The following BTBD16 variants were observed in gnomAD, a reference collection of about 807,000 sequenced individuals.
BTBD16 encodes the protein BTB domain containing 16.
BTBD16 carries 66 observed loss-of-function variants against 67.4 expected under a neutral mutation model. The ratio of observed to expected loss-of-function variants is 0.98; its 90% confidence interval spans 0.80 to 1.20. The LOEUF (loss-of-function observed/expected upper bound fraction) is 1.20, where lower values mean the gene tolerates loss of function less well. Among genes scored for constraint, BTBD16 ranks in the 50% most tolerant of loss-of-function variants. The pLI is 0.00. For synonymous variants in BTBD16, 242 were observed against 236.4 expected, an observed-to-expected ratio of 1.02 and a Z score of -0.22; for missense variants, 634 against 616.0, an observed-to-expected ratio of 1.03 and a Z score of -0.31.
chr10:122,275,453 T>A (rs2096338515), intron 2 of BTBD16, among the ~76,000 whole-genome samples: 1 of 152,184 alleles, frequency 6.6e-6, no homozygotes. Context: ...CAAGATGATA[T>A]CCCCACAATC....
chr10:122,277,780 C>A (rs2096344007), intron 3 of BTBD16, among the ~76,000 whole-genome samples: 2 of 152,160 alleles, frequency 1.3e-5, no homozygotes, highest in South Asian at 4.2e-4. Flanking sequence ...AAATGCCTCC[C>A]ATTAGGCCCC....
Position 122,275,087 on chromosome 10 carries a change from A to G in BTBD16, c.6A>G (p.Ile2Met), listed in dbSNP as rs144192653. 6 of 1,613,830 alleles carry G rather than the reference A, an allele frequency of 3.7e-6. No homozygotes were observed. The African/African-American group carries it at 8.0e-5, about 22-fold the overall frequency. M[I>M]MSNTHKARLE... The stretch of plus-strand genomic sequence containing the variant: ...CGTAATTTCCACTTTCATTCATGAT[A>G]ATGTCGAACACGGTGAGTAGATCAG... Residue 2 changes from isoleucine to methionine, a missense_variant, in exon 2 of 16, where the codon ATA (isoleucine) becomes ATG (methionine). Physicochemically the swap from Ile to Met is conservative, Grantham distance 10. Coordinates refer to ENST00000260723, the MANE Select transcript of BTBD16 (RefSeq NM_144587.5).
At chr10:122,291,868 A>G (rs2096374723) in intron 7 of BTBD16, among the ~76,000 whole-genome samples, 2 of 152,200 alleles carry the variant, frequency 1.3e-5, no homozygotes, top group South Asian at 4.2e-4. Context: ...AGGGTTCATC[A>G]GGGTGTGTTG....
chr10:122,304,589 A>G (rs945683359), intron 9 of BTBD16, among the ~76,000 whole-genome samples: 8 of 118,158 alleles, frequency 6.8e-5, no homozygotes, highest in African/African-American at 1.0e-4. Flanking sequence ...GAGTCTCCCT[A>G]TGTCGCCCAG....
chr10:122,312,243 T>C (rs1019666718), intron 10 of BTBD16, among the ~76,000 whole-genome samples: 2 of 152,158 alleles, frequency 1.3e-5, no homozygotes, highest in African/African-American at 4.8e-5. Flanking sequence ...TGCATGAGAA[T>C]TCTGGTTTTT....
rs1001918425 is a variant in BTBD16, at chr10:122,287,041, C to T, written c.385+793C>T. On this transcript the variant is annotated intron_variant, in intron 5 of 15. Transcript: ENST00000260723. ...GTTATTCTAGAGCCAGACAGGCAGC[C>T]GGAGCCCCCAGTCACTCCCCCTCCC... 3.3e-5 allele frequency among the ~76,000 whole-genome samples: 5 copies of T among 152,138 alleles called. 1 individual carries two copies. The highest frequency in any genetic ancestry group is 2.6e-4 in the Admixed American group (4 of 15,272).
intron 10 of BTBD16, among the ~76,000 whole-genome samples, chr10:122,326,370 G>A (rs563639245): frequency 3.3e-5 from 5 of 152,090 alleles, no homozygotes; most frequent in Non-Finnish European, 5.9e-5. Context: ...GGCAGCCACC[G>A]TTCTACTTTC....
At chr10:122,278,306 A>G (rs549249353) in intron 3 of BTBD16, among the ~76,000 whole-genome samples, 1 of 152,266 alleles carries the variant, frequency 6.6e-6, no homozygotes, top group African/African-American at 2.4e-5. Flanking sequence ...CAGTCTATCA[A>G]TGGGGCTGGA....
In BTBD16 at chr10:122,315,749, C is replaced by T. The variant is rs141101510; in HGVS notation, c.911+8441C>T. On this transcript the variant is annotated intron_variant, in intron 10 of 15. Coordinates refer to ENST00000260723, the MANE Select transcript of BTBD16 (RefSeq NM_144587.5). ...TAGTTATGTTCTGTTTTTCAAGGAA[C>T]GTGTACTTTTCATCTAAATTGTTTT... Among the ~76,000 whole-genome samples the T allele has an allele frequency of 2.0e-4, 31 of 152,208 alleles. No homozygotes were observed. The East Asian group carries it at 4.6e-3, about 23-fold the overall frequency.
intron 12 of BTBD16, 101 bp from the exon 13 acceptor site, chr10:122,332,335 T>A (rs2133322438): frequency 9.7e-7 from 1 of 1,033,020 alleles, no homozygotes; most frequent in Non-Finnish European, 1.4e-6. Context: ...TTTTCAAACC[T>A]GGTGAGGGGG....
chr10:122,313,259 T>A lies in BTBD16; in HGVS notation c.911+5951T>A, dbSNP rs1241956712. On this transcript the variant is annotated intron_variant, in intron 10 of 15. Coordinates refer to ENST00000260723, the MANE Select transcript of BTBD16 (RefSeq NM_144587.5). ...GCCTTTCTTTTATAGTTAGTGCTGT[T>A]TTTTTTTTTTTGTTTTTTTTTTTGA... 1.2e-4 allele frequency among the ~76,000 whole-genome samples: 3 copies of A among 24,934 alleles called. No homozygotes were observed. In the African/African-American group the frequency reaches 1.7e-3, roughly 15 times the overall value. The allele number at this position is 24,934 out of a possible 152,430, so 16.4% of individuals were successfully genotyped here. A position where few individuals can be genotyped will look rare whatever the true frequency, so the allele number is the denominator to read the frequency against.
chr10:122,304,165 G>A (rs1051320132), intron 9 of BTBD16, among the ~76,000 whole-genome samples: 1 of 152,184 alleles, frequency 6.6e-6, no homozygotes, highest in Non-Finnish European at 1.5e-5. Flanking sequence ...CCGGCCTCAC[G>A]ATGATTGCCA....
chr10:122,300,497 C>G (rs1338590958), intron 9 of BTBD16, among the ~76,000 whole-genome samples: 3 of 152,090 alleles, frequency 2.0e-5, no homozygotes, highest in African/African-American at 7.2e-5. Context: ...TTTTTCTGAA[C>G]TATTAATATT....
intron 7 of BTBD16, among the ~76,000 whole-genome samples, chr10:122,296,019 T>C (rs934286560): frequency 1.3e-5 from 2 of 152,156 alleles, no homozygotes. Context: ...CTAACTCTAA[T>C]AACCACACTT....
At chr10:122,324,181 C>T (rs542216791) in intron 10 of BTBD16, among the ~76,000 whole-genome samples, 29 of 152,360 alleles carry the variant, frequency 1.9e-4, no homozygotes, top group Middle Eastern at 3.4e-3. Context: ...TCTGATCTCA[C>T]TTGTGCACTG....
intron 10 of BTBD16, among the ~76,000 whole-genome samples, chr10:122,315,586 T>C (rs2142107041): frequency 6.6e-6 from 1 of 152,354 alleles, no homozygotes; most frequent in East Asian, 1.9e-4. Flanking sequence ...GAGACTGCTG[T>C]TCTGTCTTCC....
Position 122,329,560 on chromosome 10 carries a change from G to C in BTBD16, c.992G>C (p.Gly331Ala). ...RPLFLCLRLHGITKGKDLEVL... is the reference protein window; with the variant it reads ...RPLFLCLRLHAITKGKDLEVL... Reference sequence around the variant, plus strand: ...CTCTTCCTCTGCTTGCGTCTGCACGGCATCACCAAAGGTAAGCCCCAGTCC... The same window carrying C: ...CTCTTCCTCTGCTTGCGTCTGCACGCCATCACCAAAGGTAAGCCCCAGTCC... Residue 331 changes from glycine to alanine, a missense_variant, in exon 11 of 16, where the codon GGC becomes GCC. Gly to Ala is a moderately conservative substitution (Grantham distance 60). Coordinates refer to ENST00000260723, the MANE Select transcript of BTBD16 (RefSeq NM_144587.5). The C allele has an allele frequency of 6.2e-7, 1 of 1,613,540 alleles. No individual in the cohort carries two copies. Among genetic ancestry groups the C allele is most frequent in the South Asian group, 1.1e-5 (1 of 91,062 alleles).
At chr10:122,282,186 C>T (rs17103336) in intron 3 of BTBD16, among the ~76,000 whole-genome samples, 30,579 of 152,188 alleles carry the variant, frequency 0.2, 3,736 homozygotes, top group East Asian at 0.42. Context: ...ATGGACCTTG[C>T]GCCATATTTT....
At position 122,334,965 on chromosome 10, in the gene BTBD16, A is replaced by G. The variant is rs1444707253; in HGVS notation, c.1249A>G (p.Ser417Gly). Reference protein sequence around the residue: ...KGLKHDTTSYSFYMQRIKHTD... With the variant: ...KGLKHDTTSYGFYMQRIKHTD... Reference sequence around the variant, plus strand: ...ACTCAAACATGATACTACCTCTTATAGTTTTTACATGCAGGTAAGGATAGA... The same window carrying G: ...ACTCAAACATGATACTACCTCTTATGGTTTTTACATGCAGGTAAGGATAGA... The change falls in exon 14 of 16, where the codon AGT (serine) becomes GGT (glycine). Residue 417 changes from serine (S) to glycine (G), a missense_variant. Transcript: ENST00000260723. The G allele has an allele frequency of 6.6e-7, 1 of 1,509,190 alleles. No individual in the cohort carries two copies. The highest frequency in any genetic ancestry group is 2.3e-5 in the East Asian group (1 of 43,922). 93.5% of individuals were successfully genotyped at this position (1,509,190 alleles called of 1,614,324 possible).
Sources: allele counts gnomAD v4.1 joint callset (sites outside exome capture counted in the v4.1 genomes callset), GRCh38; gene constraint gnomAD v4.1.1; transcripts MANE v1.5; gene names NCBI Gene and HGNC (gene_info 2026-07-23, HGNC 2026-07-21).